The following ARHGAP32 variants were observed in gnomAD, a reference collection of about 807,000 sequenced individuals.
ARHGAP32 encodes the protein Rho GTPase activating protein 32, also known as rho GTPase-activating protein 32.
A neutral mutation model predicts 186.5 loss-of-function variants in ARHGAP32; 51 were observed. The observed-to-expected ratio is 0.27, with a 90% CI of 0.22 to 0.35. ARHGAP32 has a LOEUF of 0.35. Ranked by LOEUF, ARHGAP32 falls within the 10% of genes least tolerant of loss-of-function variation. ARHGAP32 has a pLI of 1.00. For missense variants in ARHGAP32, 2,186 were observed against 2,623.5 expected, an observed-to-expected ratio of 0.83 and a Z score of 3.64; for synonymous variants, 950 against 964.3, an observed-to-expected ratio of 0.99 and a Z score of 0.27.
At chr11:129,005,510 T>A (rs1937715824) in intron 11 of ARHGAP32, among the ~76,000 whole-genome samples, 1 of 152,226 alleles carries the variant, frequency 6.6e-6, no homozygotes, top group South Asian at 2.1e-4. Context: ...TGAAGGATAT[T>A]TTCACCAGAT....
intron 1 of ARHGAP32, among the ~76,000 whole-genome samples, chr11:129,213,990 C>A (rs1325967124): frequency 5.9e-5 from 9 of 151,910 alleles, no homozygotes; most frequent in Middle Eastern, 3.4e-3. Flanking sequence ...GAATTGCAGA[C>A]CCCTCCGGAA....
intron 1 of ARHGAP32, among the ~76,000 whole-genome samples, chr11:129,228,467 A>C (rs1055443860): frequency 6.6e-6 from 1 of 152,228 alleles, no homozygotes; most frequent in African/African-American, 2.4e-5. Context: ...TTTAAAAGAC[A>C]ACAAAATTAA....
chr11:129,134,926 A>G (rs1942901709), intron 2 of ARHGAP32, among the ~76,000 whole-genome samples: 2 of 152,206 alleles, frequency 1.3e-5, no homozygotes, highest in South Asian at 4.1e-4. Context: ...AGCCTCCAAA[A>G]CTATGAGCAA....
intron 11 of ARHGAP32, among the ~76,000 whole-genome samples, chr11:129,024,575 A>G (rs931426361): frequency 6.6e-6 from 1 of 152,202 alleles, no homozygotes; most frequent in African/African-American, 2.4e-5. Context: ...CATTTTTTTA[A>G]GTATCAACTT....
chr11:129,061,365 A>G (rs986097452), intron 10 of ARHGAP32, among the ~76,000 whole-genome samples: 4 of 152,224 alleles, frequency 2.6e-5, no homozygotes, highest in Non-Finnish European at 5.9e-5. Context: ...TATCTGCAAG[A>G]AATATGTTCC....
At chr11:129,041,147 G>A in intron 10 of ARHGAP32, 138 bp from the exon 11 acceptor site, 1 of 513,072 alleles carries the variant, frequency 1.9e-6, no homozygotes, top group East Asian at 3.1e-5. Context: ...AATAACAGAT[G>A]ATGCCAATTA....
At chr11:129,026,439 A>G (rs1026532387) in intron 11 of ARHGAP32, among the ~76,000 whole-genome samples, 1 of 152,108 alleles carries the variant, frequency 6.6e-6, no homozygotes, top group Non-Finnish European at 1.5e-5. Flanking sequence ...CATGGGTGGG[A>G]GAGGCAAAAG....
At chr11:129,040,197 A>C (rs1343342578) in intron 11 of ARHGAP32, among the ~76,000 whole-genome samples, 1 of 152,120 alleles carries the variant, frequency 6.6e-6, no homozygotes, top group African/African-American at 2.4e-5. Context: ...AGTTCAAATT[A>C]ATTCTGAGGC....
chr11:129,076,415 C>A (rs1392756220), intron 6 of ARHGAP32, among the ~76,000 whole-genome samples: 1 of 152,164 alleles, frequency 6.6e-6, no homozygotes, highest in Non-Finnish European at 1.5e-5. Flanking sequence ...CTCTTGGGGT[C>A]TGGATCAGGA....
At chr11:129,090,148 T>C (rs1475157365) in intron 6 of ARHGAP32, among the ~76,000 whole-genome samples, 2 of 152,228 alleles carry the variant, frequency 1.3e-5, no homozygotes, top group African/African-American at 4.8e-5. Context: ...TCTGCCTATA[T>C]ATTTTGTTCA....
chr11:129,125,998 C>A (rs982944397), intron 2 of ARHGAP32: 1 of 436,346 alleles, frequency 2.3e-6, no homozygotes, highest in Non-Finnish European at 4.5e-6. Context: ...TATGAGGTAA[C>A]ATCTTGTCTT....
rs1945679968 is a variant in ARHGAP32, at chr11:128,980,600, A to G, written c.1929T>C (p.Ala643=). 6.2e-7 allele frequency: 1 copy of G among 1,613,906 alleles called. No homozygotes were observed. The highest frequency in any genetic ancestry group is 8.5e-7 in the Non-Finnish European group (1 of 1,179,890). The change falls in exon 18 of 23, where the codon GCT becomes GCC. Residue 643 remains alanine (A), a synonymous_variant. Coordinates refer to ENST00000682385, the MANE Select transcript of ARHGAP32 (RefSeq NM_001378024.1). ...TGGTATGAAATTTCCCCTGAAGTGC[A>G]GCAGGTCCTTCTCCTACTTCGATAT... ...NKYIEVGEGP[A]ALQGKFHTII...
chr11:129,060,375 AGATAGAT>A (rs1461238334), intron 10 of ARHGAP32, among the ~76,000 whole-genome samples: 3 of 146,658 alleles, frequency 2.0e-5, no homozygotes, highest in East Asian at 2.0e-4. Flanking sequence ...ATAGATAGAT[AGATAGAT>A]AAGATAGACA....
chr11:128,992,000 T>C (rs1380698565), intron 12 of ARHGAP32, among the ~76,000 whole-genome samples: 2 of 152,168 alleles, frequency 1.3e-5, no homozygotes, highest in South Asian at 2.1e-4. Flanking sequence ...GCATTACAGA[T>C]ACAGACGAAA....
At chr11:129,201,439 T>A (rs1343137487) in intron 1 of ARHGAP32, among the ~76,000 whole-genome samples, 1 of 152,174 alleles carries the variant, frequency 6.6e-6, no homozygotes, top group Non-Finnish European at 1.5e-5. Context: ...AAAAATACTA[T>A]AACGGTATAC....
At chr11:129,061,809 G>A (rs929253117) in intron 10 of ARHGAP32, among the ~76,000 whole-genome samples, 3 of 152,310 alleles carry the variant, frequency 2.0e-5, no homozygotes, top group East Asian at 1.9e-4. Flanking sequence ...AAGGGAAACC[G>A]TAGATAAGGG....
At chr11:129,218,743 A>C (rs1202452952) in intron 1 of ARHGAP32, among the ~76,000 whole-genome samples, 1 of 152,150 alleles carries the variant, frequency 6.6e-6, no homozygotes, top group East Asian at 1.9e-4. Flanking sequence ...AAAAAACAAC[A>C]ACAACAACAA....
intron 11 of ARHGAP32, among the ~76,000 whole-genome samples, chr11:129,023,631 G>C (rs374807932): frequency 1.2e-4 from 18 of 152,284 alleles, no homozygotes; most frequent in African/African-American, 4.3e-4. Context: ...GGGAACATCT[G>C]TGTTGTACAA....
intron 5 of ARHGAP32, among the ~76,000 whole-genome samples, chr11:129,111,555 T>C (rs1942216340): frequency 6.6e-6 from 1 of 152,186 alleles, no homozygotes; most frequent in African/African-American, 2.4e-5. Context: ...AGACTTTTTG[T>C]TACTAATTCA....
Sources: gnomAD v4.1 joint callset for allele counts (sites outside exome capture counted in the v4.1 genomes callset) on GRCh38, gnomAD v4.1.1 for gene constraint, MANE v1.5 for transcripts, NCBI Gene and HGNC (gene_info 2026-07-23, HGNC 2026-07-21) for gene names.